TMPRSS6: variants seen among roughly 807,000 people sequenced by gnomAD.
TMPRSS6 encodes transmembrane protease serine 6.
A neutral mutation model predicts 101.5 loss-of-function variants in TMPRSS6; 67 were observed. That is an observed-to-expected ratio of 0.66 (90% CI 0.54 to 0.81). The LOEUF is 0.81. Ranked by LOEUF, TMPRSS6 falls within the 30% of genes least tolerant of loss-of-function variation. The pLI is 0.00. For synonymous variants in TMPRSS6, 453 were observed against 464.9 expected, an observed-to-expected ratio of 0.97 and a Z score of 0.33; for missense variants, 1,034 against 1,088.7, an observed-to-expected ratio of 0.95 and a Z score of 0.71.
At chr22:37,078,976 AG>A (rs1263934642) in intron 10 of TMPRSS6, among the ~76,000 whole-genome samples, 1 of 140,828 alleles carries the variant, frequency 7.1e-6, no homozygotes, top group Non-Finnish European at 1.6e-5. Context: ...AGAAAGAAAA[AG>A]AAAGAAAGAA....
Position 37,075,171 on chromosome 22 carries a change from C to G in TMPRSS6, c.1306G>C (p.Val436Leu). 1 of 1,614,096 alleles carries G rather than the reference C, an allele frequency of 6.2e-7. No homozygotes were observed. The highest frequency in any genetic ancestry group is 1.1e-5 in the South Asian group (1 of 91,088). Residue 436 changes from valine (V) to leucine (L), a missense_variant, in exon 11 of 18, where the codon GTG becomes CTG. Physicochemically the swap from Val to Leu is conservative, Grantham distance 32. Transcript: ENST00000676104. ...TTGTACAAGCCATAGTGCACCCGCA[C>G]ACCGGGCCCGGTGAGGGAGATCTGG... ...TSQISLTGPG[V>L]RVHYGLYNQS...
In TMPRSS6 at chr22:37,070,466, C is replaced by T. The variant is rs1281435344; in HGVS notation, c.1841+18G>A. 1.2e-6 allele frequency: 2 copies of T among 1,613,194 alleles called. No individual in the cohort carries two copies. Among genetic ancestry groups the T allele is most frequent in the African/African-American group, 2.7e-5 (2 of 74,914 alleles). On this transcript the variant is annotated intron_variant, in intron 15 of 17. Coordinates refer to ENST00000676104, the MANE Select transcript of TMPRSS6 (RefSeq NM_001374504.1). ...CCCTTGTCTCTTACTGCCTAGGCCC[C>T]CACACCCTCCCGCTCACCTGTCCTC... is the stretch of plus-strand genomic sequence containing the variant.
intron 6 of TMPRSS6, among the ~76,000 whole-genome samples, chr22:37,090,610 A>T (rs1254011346): frequency 6.6e-6 from 1 of 152,210 alleles, no homozygotes; most frequent in Non-Finnish European, 1.5e-5. Flanking sequence ...AATGCCCACA[A>T]CAGCTGTATG....
intron 3 of TMPRSS6, among the ~76,000 whole-genome samples, chr22:37,097,830 T>G (rs1601568188): frequency 1.1e-5 from 1 of 92,118 alleles, no homozygotes; most frequent in Admixed American, 1.2e-4. Context: ...CACCGTCCTG[T>G]AACGGAGGGG....
In TMPRSS6 at chr22:37,109,543, CT is replaced by C. The variant is rs1240817921; in HGVS notation, c.-43del. 6.6e-6 allele frequency: 1 copy of C among 152,420 alleles called. No individual in the cohort carries two copies. Among genetic ancestry groups the C allele is most frequent in the Non-Finnish European group, 1.5e-5 (1 of 68,204 alleles). The allele number at this position is 152,420 out of a possible 1,614,324, so 9.4% of individuals were successfully genotyped here. A position where few individuals can be genotyped will look rare whatever the true frequency, so the allele number is the denominator to read the frequency against. ...ATAGGTGCCGGGCCTGCACACAGGCCTCAGGAGCCTCTGTTTGTCCAGGCCA... is the reference window on the plus strand; with the variant it reads ...ATAGGTGCCGGGCCTGCACACAGGCCCAGGAGCCTCTGTTTGTCCAGGCCA... On this transcript the variant is annotated 5_prime_UTR_variant, in exon 1 of 18. Coordinates refer to ENST00000676104, the MANE Select transcript of TMPRSS6 (RefSeq NM_001374504.1).
chr22:37,109,789 C>T (rs1353177989), upstream of TMPRSS6, among the ~76,000 whole-genome samples: 5 of 152,338 alleles, frequency 3.3e-5, no homozygotes, highest in East Asian at 9.6e-4. Flanking sequence ...CCCGCATGGG[C>T]ACCCCAGAGG....
At chr22:37,090,386 C>T (rs577028516) in intron 6 of TMPRSS6, among the ~76,000 whole-genome samples, 15 of 152,208 alleles carry the variant, frequency 9.9e-5, no homozygotes, top group South Asian at 8.3e-4. Context: ...TGGAGACCAG[C>T]GAGGCCACAG....
At chr22:37,072,137 A>T (rs1927000461) in intron 13 of TMPRSS6, among the ~76,000 whole-genome samples, 2 of 140,552 alleles carry the variant, frequency 1.4e-5, no homozygotes, top group African/African-American at 5.4e-5. Context: ...TGATGGATGG[A>T]TGGATGATGG....
At chr22:37,079,820 C>T (rs1928119473) in intron 10 of TMPRSS6, among the ~76,000 whole-genome samples, 1 of 152,276 alleles carries the variant, frequency 6.6e-6, no homozygotes, top group African/African-American at 2.4e-5. Flanking sequence ...GCAGCTTGCA[C>T]TCTCCTGCAC....
chr22:37,104,391 G>C (rs1930581364), intron 1 of TMPRSS6, among the ~76,000 whole-genome samples: 1 of 152,138 alleles, frequency 6.6e-6, no homozygotes, highest in Non-Finnish European at 1.5e-5. Flanking sequence ...CTGACTCCCT[G>C]CTTTTTCCAC....
intron 3 of TMPRSS6, among the ~76,000 whole-genome samples, chr22:37,097,783 G>GCGGCCAC (rs1405307917): frequency 4.3e-5 from 5 of 117,148 alleles, no homozygotes; most frequent in Admixed American, 7.8e-5. Context: ...AGGGGCAGGA[G>GCGGCCAC]TGGGCCACCG....
At position 37,089,730 on chromosome 22, in the gene TMPRSS6, C is replaced by T. The variant is rs369154469; in HGVS notation, c.684G>A (p.Gly228=). ...VGQGQVLRLK[G]PDHLASSCLW... Reference sequence around the variant, plus strand: ...GGCAGCTGGAGGCCAGGTGGTCAGGCCCCTTCAGCCGGAGGACCTGGCCCT... The same window carrying T: ...GGCAGCTGGAGGCCAGGTGGTCAGGTCCCTTCAGCCGGAGGACCTGGCCCT... The change falls in exon 7 of 18, where the codon GGG becomes GGA. Residue 228 remains glycine (G), a synonymous_variant. Coordinates refer to ENST00000676104, the MANE Select transcript of TMPRSS6 (RefSeq NM_001374504.1). 27 of 1,612,312 alleles carry T rather than the reference C, an allele frequency of 1.7e-5. No individual in the cohort carries two copies. The highest frequency in any genetic ancestry group is 8.0e-5 in the African/African-American group (6 of 74,940).
intron 4 of TMPRSS6, 72 bp from the exon 5 acceptor site, chr22:37,096,162 G>C: frequency 6.5e-7 from 1 of 1,527,782 alleles, no homozygotes; most frequent in East Asian, 2.3e-5. Flanking sequence ...CCCTGCTCAT[G>C]CACATCGAGC....
rs1245257736 is a variant in TMPRSS6 at position 37,103,549 on chromosome 22, G to C, written c.-1-131C>G. On this transcript the variant is annotated intron_variant, in intron 1 of 17. Coordinates refer to ENST00000676104, the MANE Select transcript of TMPRSS6 (RefSeq NM_001374504.1). This position sits in a 1 kb window ranked among gnomAD's most constrained non-coding sequence, Gnocchi z 4.4. ...GGAAGAGTAACAACATCAGGCGGCA[G>C]TGACTGCAAGTGGGTGCCGAGACAG... 6.2e-7 allele frequency: 1 copy of C among 1,613,844 alleles called. No homozygotes were observed.
At chr22:37,075,824 C>G (rs1045968815) in intron 10 of TMPRSS6, among the ~76,000 whole-genome samples, 3 of 152,102 alleles carry the variant, frequency 2.0e-5, no homozygotes, top group African/African-American at 7.2e-5. Context: ...ATCGCTTGAA[C>G]CCAGGAAGCA....
intron 10 of TMPRSS6, among the ~76,000 whole-genome samples, chr22:37,080,686 C>T (rs550294353): frequency 8.5e-5 from 13 of 152,352 alleles, no homozygotes; most frequent in African/African-American, 2.4e-4. Flanking sequence ...GAGGAGTCTG[C>T]GGGGAGGGGA....
chr22:37,092,966 C>G (rs1275562276), intron 6 of TMPRSS6, among the ~76,000 whole-genome samples: 1 of 152,222 alleles, frequency 6.6e-6, no homozygotes, highest in East Asian at 1.9e-4. Flanking sequence ...TCTATTCTCA[C>G]ACTGGCACCT....
chr22:37,079,720 G>A (rs953650513), intron 10 of TMPRSS6, among the ~76,000 whole-genome samples: 4 of 152,232 alleles, frequency 2.6e-5, no homozygotes, highest in African/African-American at 9.6e-5. Context: ...AGGGGTGATC[G>A]TATCTCCCTT....
At chr22:37,092,296 C>T (rs2146135734) in intron 6 of TMPRSS6, among the ~76,000 whole-genome samples, 1 of 152,126 alleles carries the variant, frequency 6.6e-6, no homozygotes, top group East Asian at 1.9e-4. Flanking sequence ...CAAATTCCTG[C>T]CTACCCCCAT....
Sources: allele counts gnomAD v4.1 joint callset (sites outside exome capture counted in the v4.1 genomes callset), GRCh38; gene constraint gnomAD v4.1.1; non-coding constraint Gnocchi (gnomAD v3.1); transcripts MANE v1.5; gene names NCBI Gene and HGNC (gene_info 2026-07-23, HGNC 2026-07-21).